Variants in EFCAB6 observed in about 807,000 individuals in gnomAD.
EFCAB6 encodes the protein EF-hand calcium binding domain 6, also known as EF-hand calcium-binding domain-containing protein 6.
A neutral mutation model predicts 169.8 loss-of-function variants in EFCAB6; 156 were observed. The ratio of observed to expected loss-of-function variants is 0.92; its 90% CI spans 0.81 to 1.05. The LOEUF (loss-of-function observed/expected upper bound fraction) is 1.05, where lower values mean the gene tolerates loss of function less well. Among genes scored for constraint, EFCAB6 ranks in the 50% least tolerant of loss-of-function variants. The probability of loss-of-function intolerance (pLI) is 0.00; values close to 1 mark genes in which losing one functional copy is unlikely to be tolerated. For missense variants in EFCAB6, 1,800 were observed against 1,829.1 expected, an observed-to-expected ratio of 0.98 and a Z score of 0.29; for synonymous variants, 698 against 676.4, an observed-to-expected ratio of 1.03 and a Z score of -0.50.
chr22:43,771,257 C>T (rs887244385), intron 4 of EFCAB6, among the ~76,000 whole-genome samples: 3 of 151,970 alleles, frequency 2.0e-5, no homozygotes, highest in African/African-American at 7.3e-5. Context: ...ATGCAGAAAC[C>T]CCGTCTCTAC....
intron 28 of EFCAB6, 33 bp downstream of exon 28, chr22:43,540,094 G>A (rs746442051): frequency 2.9e-5 from 46 of 1,607,884 alleles, no homozygotes; most frequent in Non-Finnish European, 3.4e-5. Flanking sequence ...GGCATGAGGA[G>A]GCCTGGGACA....
chr22:43,742,791 C>T (rs1457234147), intron 6 of EFCAB6, among the ~76,000 whole-genome samples: 3 of 152,314 alleles, frequency 2.0e-5, no homozygotes, highest in South Asian at 4.2e-4. Context: ...CACTGCACCC[C>T]GGCCACCACC....
chr22:43,669,838 G>A (rs762556010), intron 15 of EFCAB6, among the ~76,000 whole-genome samples: 16 of 152,116 alleles, frequency 1.1e-4, no homozygotes, highest in Non-Finnish European at 1.6e-4. Context: ...CCAGAGCATC[G>A]GCGAGGCCAG....
At chr22:43,578,161 G>C (rs2147271214) in intron 25 of EFCAB6, among the ~76,000 whole-genome samples, 1 of 152,296 alleles carries the variant, frequency 6.6e-6, no homozygotes, top group South Asian at 2.1e-4. Context: ...CTGCTCCATA[G>C]TCCCTGTGTG....
chr22:43,687,436 A>G (rs1397989017), intron 11 of EFCAB6, 35 bp downstream of exon 11: 2 of 1,214,818 alleles, frequency 1.6e-6, no homozygotes, highest in Admixed American at 2.5e-5. Context: ...TGATATGTGT[A>G]ACTAAAATTT....
At chr22:43,725,448 G>A (rs531564548) in intron 8 of EFCAB6, among the ~76,000 whole-genome samples, 1 of 152,264 alleles carries the variant, frequency 6.6e-6, no homozygotes, top group East Asian at 1.9e-4. Context: ...GCCCAAACTA[G>A]CTTTTATAAC....
chr22:43,735,789 C>T (rs971165872), intron 7 of EFCAB6, 68 bp downstream of exon 7: 29 of 1,567,524 alleles, frequency 1.9e-5, no homozygotes, highest in Non-Finnish European at 2.5e-5. Context: ...ATGAACCCAA[C>T]AGGTCTCATT....
chr22:43,720,657 G>A (rs1351576808), intron 8 of EFCAB6, among the ~76,000 whole-genome samples: 1 of 151,878 alleles, frequency 6.6e-6, no homozygotes, highest in African/African-American at 2.4e-5. Flanking sequence ...GAGAGGAAGG[G>A]AGGGAGGAAG....
chr22:43,540,955 C>T (rs756516318), intron 27 of EFCAB6, among the ~76,000 whole-genome samples: 2 of 147,810 alleles, frequency 1.4e-5, no homozygotes, highest in African/African-American at 5.1e-5. Context: ...ATCAAAACCA[C>T]ACACCATGAA....
intron 31 of EFCAB6, 68 bp downstream of exon 31, chr22:43,530,747 G>A: frequency 5.6e-6 from 9 of 1,599,250 alleles, no homozygotes; most frequent in Non-Finnish European, 7.7e-6. Context: ...CTCCCCGTGG[G>A]AAGTTTCTGG....
intron 17 of EFCAB6, among the ~76,000 whole-genome samples, chr22:43,644,176 A>G (rs2055997717): frequency 6.6e-6 from 1 of 151,628 alleles, no homozygotes; most frequent in Non-Finnish European, 1.5e-5. Context: ...ATGTAGATTC[A>G]CTCTCGTGAC....
intron 8 of EFCAB6, among the ~76,000 whole-genome samples, chr22:43,731,189 A>G (rs1473866286): frequency 6.6e-6 from 1 of 152,190 alleles, no homozygotes; most frequent in Non-Finnish European, 1.5e-5. Context: ...TGGAGTAAAG[A>G]CTGTTCGCAC....
rs557568926 is a variant in EFCAB6 at position 43,753,485 on chromosome 22, C to T, written c.507+2281G>A. Among the ~76,000 whole-genome samples, 6 of 152,314 alleles carry T rather than the reference C, an allele frequency of 3.9e-5. No individual in the cohort carries two copies. In the East Asian group the frequency reaches 1.2e-3, roughly 29 times the overall value. On this transcript the variant is annotated intron_variant, in intron 6 of 31. Transcript: ENST00000262726. ...CTCCTCCTCAAAACAGAGAGCGCCT[C>T]TTCCCATGAAGCCATGGGACACAGT...
At chr22:43,646,062 T>A (rs2056138100) in intron 17 of EFCAB6, among the ~76,000 whole-genome samples, 1 of 152,188 alleles carries the variant, frequency 6.6e-6, no homozygotes, top group Non-Finnish European at 1.5e-5. Flanking sequence ...AATGACAGAT[T>A]TTGAACATGG....
chr22:43,787,029 A>G (rs1383345143), intron 2 of EFCAB6, among the ~76,000 whole-genome samples: 1 of 152,212 alleles, frequency 6.6e-6, no homozygotes, highest in Non-Finnish European at 1.5e-5. Flanking sequence ...CAAAAAATAA[A>G]CATTCAACAA....
At chr22:43,653,132 G>A (rs944260817) in intron 17 of EFCAB6, among the ~76,000 whole-genome samples, 2 of 152,106 alleles carry the variant, frequency 1.3e-5, no homozygotes, top group Admixed American at 6.5e-5. Context: ...AGGGAGGGAG[G>A]AGAGAATGCG....
At chr22:43,717,585 A>G (rs760781808) in intron 8 of EFCAB6, among the ~76,000 whole-genome samples, 1 of 152,212 alleles carries the variant, frequency 6.6e-6, no homozygotes, top group African/African-American at 2.4e-5. Context: ...CAATAAATGT[A>G]TGGACTACTC....
In EFCAB6 at chr22:43,589,320, A is replaced by AAAAAAAG. The variant is rs1569207678; in HGVS notation, c.3032+753_3032+754insCTTTTTT. On this transcript the variant is annotated intron_variant, in intron 24 of 31. Coordinates refer to ENST00000262726, the MANE Select transcript of EFCAB6 (RefSeq NM_022785.4). ...AAAAAAAAAAAAAAAAAAAAAAAAA[A>AAAAAAAG]AGAAGTACAGGTACATTCACTATCA... Among the ~76,000 whole-genome samples, 63 of 59,828 alleles carry AAAAAAAG rather than the reference A, an allele frequency of 1.1e-3. 6 individuals are homozygous for AAAAAAAG. Among genetic ancestry groups the AAAAAAAG allele is most frequent in the South Asian group, 1.6e-3 (3 of 1,924 alleles). The allele number at this position is 59,828 out of a possible 152,430, so 39.2% of individuals were successfully genotyped here.
chr22:43,740,650 T>C (rs2060334576), intron 6 of EFCAB6, among the ~76,000 whole-genome samples: 3 of 152,122 alleles, frequency 2.0e-5, no homozygotes, highest in Admixed American at 1.3e-4. Context: ...CCAAAGAACA[T>C]TGGCTAACAT....
Sources: allele counts gnomAD v4.1 joint callset (sites outside exome capture counted in the v4.1 genomes callset), GRCh38; gene constraint gnomAD v4.1.1; transcripts MANE v1.5; gene names NCBI Gene and HGNC (gene_info 2026-07-23, HGNC 2026-07-21).